MORC1: variants seen among roughly 807,000 people sequenced by gnomAD.
MORC1 encodes the protein MORC family CW-type zinc finger 1.
In MORC1, 59 loss-of-function variants were observed where a neutral mutation model predicts 134.9. That is an observed-to-expected ratio of 0.44 (90% CI 0.35 to 0.54). The LOEUF is 0.54. Among genes scored for constraint, MORC1 ranks in the 20% least tolerant of loss-of-function variants. MORC1 has a pLI of 0.00. For missense variants in MORC1, 947 were observed against 1,134.5 expected (o/e 0.83, Z 2.37); for synonymous variants, 395 against 391.7 (o/e 1.01, Z -0.10).
At chr3:109,100,287 T>G in intron 5 of MORC1, 130 bp downstream of exon 5, 1 of 673,772 alleles carries the variant, frequency 1.5e-6, no homozygotes, top group Non-Finnish European at 2.5e-6. Flanking sequence ...CAACACAAAG[T>G]AGGTCACCCC....
At chr3:109,088,536 G>C (rs1345875543) in intron 8 of MORC1, among the ~76,000 whole-genome samples, 1 of 152,060 alleles carries the variant, frequency 6.6e-6, no homozygotes. Flanking sequence ...CAGTCAGAAT[G>C]GCAATTATTA....
intron 14 of MORC1, among the ~76,000 whole-genome samples, chr3:109,038,845 G>A (rs985189646): frequency 6.6e-6 from 1 of 152,140 alleles, no homozygotes; most frequent in African/African-American, 2.4e-5. Flanking sequence ...CTGTAGCCTT[G>A]TAGTATAGTT....
rs767403148 is a variant in MORC1 at position 109,027,707 on chromosome 3, TAA to T, written c.1704+42_1704+43del. 13 of 1,612,108 alleles carry T rather than the reference TAA, an allele frequency of 8.1e-6. No individual in the cohort carries two copies. In the East Asian group the frequency reaches 2.0e-4, roughly 25 times the overall value. On this transcript the variant is annotated intron_variant, in intron 17 of 27. Coordinates refer to ENST00000232603, the MANE Select transcript of MORC1 (RefSeq NM_014429.4). ...AATTTGCACATATGAAACCAACAGT[TAA>T]AGAGTCACAGTAGAATTAGGGAGGA...
chr3:108,984,678 G>T, intron 23 of MORC1, 38 bp downstream of exon 23: 2 of 1,373,416 alleles, frequency 1.5e-6, no homozygotes, highest in Non-Finnish European at 2.0e-6. Flanking sequence ...CAGGATAATT[G>T]CACTCACTTG....
At chr3:109,107,298 T>TA (rs1951060512) in intron 3 of MORC1, among the ~76,000 whole-genome samples, 2 of 152,324 alleles carry the variant, frequency 1.3e-5, no homozygotes, top group Admixed American at 6.5e-5. Context: ...TTCGTGTATC[T>TA]ATTTGTCTTT....
intron 15 of MORC1, 94 bp downstream of exon 15, chr3:109,035,241 TCTTAC>T: frequency 8.8e-7 from 1 of 1,133,476 alleles, no homozygotes; most frequent in African/African-American, 1.6e-5. Flanking sequence ...AAGCAAGATG[TCTTAC>T]CTTTGTCTCC....
chr3:109,025,034 T>C (rs1949041706), intron 17 of MORC1, among the ~76,000 whole-genome samples: 1 of 152,198 alleles, frequency 6.6e-6, no homozygotes, highest in Non-Finnish European at 1.5e-5. Flanking sequence ...TCATGGATTA[T>C]TTTTGTGAAA....
At position 109,058,441 on chromosome 3, in the gene MORC1, C is replaced by T. The variant is rs530605076; in HGVS notation, c.1032-955G>A. On this transcript the variant is annotated intron_variant, in intron 12 of 27. Coordinates refer to ENST00000232603, the MANE Select transcript of MORC1 (RefSeq NM_014429.4). ...TTCTCCTGCACTTACCCTGTAGCTC[C>T]CCTCTCTCCACAAACTTGGCCTTTT... 2.2e-4 allele frequency among the ~76,000 whole-genome samples: 34 copies of T among 152,188 alleles called. No homozygotes were observed. The South Asian group carries it at 6.6e-3, about 30-fold the overall frequency.
At chr3:108,977,885 G>A (rs545242975) in intron 24 of MORC1, among the ~76,000 whole-genome samples, 1 of 152,168 alleles carries the variant, frequency 6.6e-6, no homozygotes, top group South Asian at 2.1e-4. Context: ...TTGGATAAGT[G>A]GCTTTTTTTT....
chr3:109,009,931 T>C (rs1473263488), intron 17 of MORC1, among the ~76,000 whole-genome samples: 1 of 152,190 alleles, frequency 6.6e-6, no homozygotes, highest in Non-Finnish European at 1.5e-5. Flanking sequence ...TGTTCAAATA[T>C]TGTGTCTCCT....
chr3:109,005,581 A>C (rs1048969360), intron 18 of MORC1, among the ~76,000 whole-genome samples: 1 of 152,184 alleles, frequency 6.6e-6, no homozygotes, highest in African/African-American at 2.4e-5. Context: ...CATACTGTGC[A>C]TTCTGACTTT....
At chr3:109,036,753 A>C (rs755213296) in intron 14 of MORC1, among the ~76,000 whole-genome samples, 3 of 152,206 alleles carry the variant, frequency 2.0e-5, no homozygotes, top group Non-Finnish European at 4.4e-5. Context: ...TGGGCTAAGC[A>C]GACCTCACAA....
intron 8 of MORC1, among the ~76,000 whole-genome samples, chr3:109,077,788 T>G (rs536791635): frequency 1.3e-5 from 2 of 152,060 alleles, no homozygotes; most frequent in African/African-American, 2.4e-5. Flanking sequence ...GATGTCACAG[T>G]AAGTGTGAAT....
intron 1 of MORC1, among the ~76,000 whole-genome samples, 195 bp from the exon 2 acceptor site, chr3:109,114,632 C>G (rs1951232848): frequency 6.6e-6 from 1 of 152,172 alleles, no homozygotes; most frequent in Non-Finnish European, 1.5e-5. Context: ...GGGTTAAAAA[C>G]ACTTTTGCCA....
At chr3:109,067,269 A>G (rs1950218729) in intron 9 of MORC1, among the ~76,000 whole-genome samples, 1 of 152,240 alleles carries the variant, frequency 6.6e-6, no homozygotes, top group Non-Finnish European at 1.5e-5. Context: ...ACACAACCAT[A>G]TAATAACTTG....
At chr3:108,960,790 C>A (rs1394657839) in intron 27 of MORC1, among the ~76,000 whole-genome samples, 1 of 151,936 alleles carries the variant, frequency 6.6e-6, no homozygotes, top group East Asian at 1.9e-4. Context: ...GATCTGACTC[C>A]TTCTGACTTC....
intron 21 of MORC1, among the ~76,000 whole-genome samples, chr3:109,000,156 C>T (rs1005637687): frequency 2.6e-5 from 4 of 152,112 alleles, no homozygotes; most frequent in African/African-American, 9.7e-5. Flanking sequence ...TAATTTAAGT[C>T]AATTCAGAAT....
rs775275346 is a variant in MORC1 at position 109,069,745 on chromosome 3, C to A, written c.702G>T (p.Arg234Ser). The A allele has an allele frequency of 6.8e-6, 11 of 1,607,342 alleles. No homozygotes were observed. The East Asian group carries it at 2.2e-4, about 33-fold the overall frequency. The change falls in exon 9 of 28, where the codon AGG (arginine) becomes AGT (serine). Residue 234 changes from arginine (R) to serine (S), a missense_variant. Transcript: ENST00000232603. ...CAGATGTGTAGGCTCTGAATGACCACCTCGCTGGGAAACTGAAATAGAAAA... is the reference window on the plus strand; with the variant it reads ...CAGATGTGTAGGCTCTGAATGACCAACTCGCTGGGAAACTGAAATAGAAAA... ...MAGALEDFPA[R>S]WSFRAYTSVL...
chr3:109,040,750 A>C (rs1250562509), intron 14 of MORC1, among the ~76,000 whole-genome samples: 1 of 150,444 alleles, frequency 6.6e-6, no homozygotes, highest in Non-Finnish European at 1.5e-5. Context: ...GAATCTCTTG[A>C]AACTGGGAGG....
Sources: allele counts gnomAD v4.1 joint callset (sites outside exome capture counted in the v4.1 genomes callset), GRCh38; gene constraint gnomAD v4.1.1; transcripts MANE v1.5; gene names NCBI Gene and HGNC (gene_info 2026-07-23, HGNC 2026-07-21).